The following SMIM14 variants were observed in gnomAD, a reference collection of about 807,000 sequenced individuals.
The protein encoded by SMIM14 is chromosome 4 open reading frame 34.
Under a neutral mutation model 12.6 loss-of-function variants are expected in SMIM14, and 5 were observed. The ratio of observed to expected loss-of-function variants is 0.40; its 90% CI spans 0.21 to 0.83. SMIM14 has a LOEUF of 0.83. SMIM14 is among the 40% of genes least tolerant of loss of function. The pLI, the probability that SMIM14 is intolerant of heterozygous loss-of-function variation, is 0.37. For synonymous variants in SMIM14, 30 were observed against 40.1 expected (o/e 0.75, Z 0.95); for missense variants, 86 against 119.1 (o/e 0.72, Z 1.29).
intron 2 of SMIM14, among the ~76,000 whole-genome samples, chr4:39,595,338 G>T (rs1578342726): frequency 7.0e-6 from 1 of 142,812 alleles, no homozygotes. Flanking sequence ...CTCACTCATA[G>T]GTGGGAATTG....
At chr4:39,559,843 G>C (rs1000839926) in intron 3 of SMIM14, among the ~76,000 whole-genome samples, 1 of 152,060 alleles carries the variant, frequency 6.6e-6, no homozygotes, top group Non-Finnish European at 1.5e-5. Flanking sequence ...CAGGCCGGGC[G>C]TGGCAGCTCA....
chr4:39,581,312 G>C (rs1377395333), intron 2 of SMIM14, among the ~76,000 whole-genome samples: 2 of 151,914 alleles, frequency 1.3e-5, no homozygotes, highest in African/African-American at 2.4e-5. Context: ...GAGCAGATCT[G>C]CCTGTTAACA....
rs1578301659 is a variant in SMIM14 at position 39,549,809 on chromosome 4, T to G, written c.*2317A>C. ...GCTATAGAGTTAGGAAGGCTTCCAGTAGGCCACAGCAAGAGGAAAAACCTT... is the reference window on the plus strand; with the variant it reads ...GCTATAGAGTTAGGAAGGCTTCCAGGAGGCCACAGCAAGAGGAAAAACCTT... On this transcript the variant is annotated 3_prime_UTR_variant, in exon 5 of 5. Transcript: ENST00000295958. The G allele has an allele frequency of 1.3e-5, 2 of 152,354 alleles. No individual in the cohort carries two copies. Among genetic ancestry groups the G allele is most frequent in the East Asian group, 3.9e-4 (2 of 5,188 alleles). 9.4% of individuals were successfully genotyped at this position (152,354 alleles called of 1,614,324 possible).
chr4:39,603,813 C>A (rs1714704958), intron 2 of SMIM14, among the ~76,000 whole-genome samples: 1 of 151,830 alleles, frequency 6.6e-6, no homozygotes, highest in South Asian at 2.1e-4. Flanking sequence ...GAGTTTGAGA[C>A]CAGCCTGACC....
chr4:39,579,094 AG>A (rs1309872725), intron 2 of SMIM14, among the ~76,000 whole-genome samples: 1 of 151,804 alleles, frequency 6.6e-6, no homozygotes, highest in Non-Finnish European at 1.5e-5. Context: ...GTGGGAGAAG[AG>A]GCAGAAGAAA....
intron 2 of SMIM14, among the ~76,000 whole-genome samples, chr4:39,595,430 G>T (rs1174109475): frequency 2.1e-4 from 31 of 146,256 alleles, no homozygotes; most frequent in Non-Finnish European, 3.5e-4. Context: ...GGGAGGGATA[G>T]CTTTAGGAGA....
chr4:39,563,968 A>G (rs1358075639), intron 3 of SMIM14, among the ~76,000 whole-genome samples: 2 of 151,564 alleles, frequency 1.3e-5, no homozygotes, highest in Non-Finnish European at 2.9e-5. Context: ...TTGCTCTGTC[A>G]CCAGGCTGGA....
intron 2 of SMIM14, among the ~76,000 whole-genome samples, chr4:39,587,490 C>T (rs1245130093): frequency 5.4e-5 from 4 of 74,218 alleles, no homozygotes; most frequent in African/African-American, 9.6e-5. Flanking sequence ...AGTGAGGCTC[C>T]ATCTCAAAAA....
chr4:39,567,543 C>T (rs79473089), intron 3 of SMIM14, among the ~76,000 whole-genome samples: 1 of 152,064 alleles, frequency 6.6e-6, no homozygotes, highest in Admixed American at 6.6e-5. Flanking sequence ...TCGAGACCAG[C>T]CTGGCCAACA....
chr4:39,588,032 G>A (rs1713871780), intron 2 of SMIM14: 1 of 152,210 alleles, frequency 6.6e-6, no homozygotes, highest in South Asian at 2.1e-4. Flanking sequence ...TAAGGTTCCA[G>A]CTACTCACCA....
chr4:39,613,181 T>C (rs1429517660), intron 1 of SMIM14, among the ~76,000 whole-genome samples: 3 of 152,224 alleles, frequency 2.0e-5, no homozygotes, highest in African/African-American at 7.2e-5. Flanking sequence ...ACACCACCTA[T>C]ATTGCTTAGC....
At chr4:39,582,769 T>C (rs1199680022) in intron 2 of SMIM14, among the ~76,000 whole-genome samples, 2 of 152,042 alleles carry the variant, frequency 1.3e-5, no homozygotes, top group Non-Finnish European at 2.9e-5. Context: ...TAAATGGCAT[T>C]TGTGTTTCAC....
chr4:39,616,048 T>C (rs966710350), intron 1 of SMIM14, among the ~76,000 whole-genome samples: 1 of 152,228 alleles, frequency 6.6e-6, no homozygotes, highest in East Asian at 1.9e-4. Flanking sequence ...AGTATCTCTA[T>C]AGTAGATTTG....
chr4:39,586,142 C>G (rs1259970738), intron 2 of SMIM14, among the ~76,000 whole-genome samples: 1 of 152,014 alleles, frequency 6.6e-6, no homozygotes, highest in Non-Finnish European at 1.5e-5. Flanking sequence ...GTCTACCATA[C>G]CTTTAGTGTT....
intron 2 of SMIM14, among the ~76,000 whole-genome samples, chr4:39,591,034 C>T (rs1714050267): frequency 6.6e-6 from 1 of 151,946 alleles, no homozygotes; most frequent in Non-Finnish European, 1.5e-5. Flanking sequence ...GAACCCCCCT[C>T]AGATTCCAAA....
At chr4:39,628,306 CAAAA>C (rs1212530043) in intron 1 of SMIM14, among the ~76,000 whole-genome samples, 1 of 70,300 alleles carries the variant, frequency 1.4e-5, no homozygotes, top group Non-Finnish European at 3.0e-5. Flanking sequence ...GACTCCATCA[CAAAA>C]AAAAAAAAAA....
chr4:39,557,660 T>C (rs769039991), intron 3 of SMIM14, among the ~76,000 whole-genome samples: 42 of 152,112 alleles, frequency 2.8e-4, no homozygotes, highest in Non-Finnish European at 8.8e-5. Flanking sequence ...AAAATAAATA[T>C]GAAAAGCACT....
chr4:39,616,425 G>A (rs999562297), intron 1 of SMIM14, among the ~76,000 whole-genome samples: 24 of 152,202 alleles, frequency 1.6e-4, no homozygotes, highest in African/African-American at 5.3e-4. Flanking sequence ...GTGAGCCACC[G>A]CGCCTGGCCA....
At chr4:39,615,398 G>A (rs1715183684) in intron 1 of SMIM14, among the ~76,000 whole-genome samples, 1 of 152,094 alleles carries the variant, frequency 6.6e-6, no homozygotes, top group African/African-American at 2.4e-5. Context: ...AAATGAATGG[G>A]GGGATTTTTA....
Sources: gnomAD v4.1 joint callset for allele counts (sites outside exome capture counted in the v4.1 genomes callset) on GRCh38, gnomAD v4.1.1 for gene constraint, MANE v1.5 for transcripts, NCBI Gene and HGNC (gene_info 2026-07-23, HGNC 2026-07-21) for gene names.